NELL2: variants seen among roughly 807,000 people sequenced by gnomAD.
NELL2 encodes protein kinase C-binding protein NELL2.
Under a neutral mutation model 109.6 loss-of-function variants are expected in NELL2, and 41 were observed. That is an observed-to-expected ratio of 0.37 (90% confidence interval 0.29 to 0.49). The LOEUF (loss-of-function observed/expected upper bound fraction) is 0.49, where lower values mean the gene tolerates loss of function less well. Among genes scored for constraint, NELL2 ranks in the 20% least tolerant of loss-of-function variants. The pLI is 0.98. For missense variants in NELL2, 900 were observed against 1,008.3 expected (o/e 0.89, Z 1.45); for synonymous variants, 355 against 344.7 (o/e 1.03, Z -0.33).
At chr12:44,719,853 A>G (rs912868323) in intron 9 of NELL2, among the ~76,000 whole-genome samples, 2 of 152,136 alleles carry the variant, frequency 1.3e-5, no homozygotes, top group Non-Finnish European at 2.9e-5. Context: ...TGAGAAAAAA[A>G]CTCATTAACT....
chr12:44,555,284 G>C (rs964724788), intron 15 of NELL2, among the ~76,000 whole-genome samples: 8 of 152,142 alleles, frequency 5.3e-5, no homozygotes, highest in Admixed American at 4.6e-4. Flanking sequence ...TGAATACAGT[G>C]CTTACAGGTT....
intron 9 of NELL2, among the ~76,000 whole-genome samples, chr12:44,717,535 C>G (rs193041350): frequency 6.6e-6 from 1 of 151,886 alleles, no homozygotes; most frequent in Admixed American, 6.6e-5. Context: ...CTCAGGAGAC[C>G]GAACGAACTT....
At chr12:44,687,819 G>C (rs891961825) in intron 12 of NELL2, among the ~76,000 whole-genome samples, 2 of 152,172 alleles carry the variant, frequency 1.3e-5, no homozygotes, top group Admixed American at 6.5e-5. Context: ...ATTTTTTAAA[G>C]CTGTTAATCA....
intron 9 of NELL2, among the ~76,000 whole-genome samples, chr12:44,761,612 A>G (rs2136550499): frequency 6.6e-6 from 1 of 152,296 alleles, no homozygotes; most frequent in South Asian, 2.1e-4. Flanking sequence ...TGGAATTAAC[A>G]TAACTGTCCA....
At chr12:44,575,874 T>C (rs1173234278) in intron 15 of NELL2, among the ~76,000 whole-genome samples, 1 of 152,164 alleles carries the variant, frequency 6.6e-6, no homozygotes, top group East Asian at 1.9e-4. Context: ...AATCTGACCA[T>C]ACTTAAAATA....
chr12:44,891,047 T>C (rs1945527935), intron 1 of NELL2, among the ~76,000 whole-genome samples: 1 of 152,136 alleles, frequency 6.6e-6, no homozygotes, highest in Non-Finnish European at 1.5e-5. Context: ...TACATTTCAT[T>C]ATGACTACTA....
intron 13 of NELL2, among the ~76,000 whole-genome samples, chr12:44,620,878 C>T (rs986451150): frequency 3.9e-5 from 6 of 152,094 alleles, no homozygotes; most frequent in Middle Eastern, 3.2e-3. Context: ...ACTTTCAGAC[C>T]ATTATCAGAA....
Position 44,780,049 on chromosome 12 carries a change from A to G in NELL2, c.336-27T>C, listed in dbSNP as rs1432208742. 3 of 1,605,400 alleles carry G rather than the reference A, an allele frequency of 1.9e-6. No individual in the cohort carries two copies. In the South Asian group the frequency reaches 3.3e-5, roughly 18 times the overall value. ...TGCAGAGAGAAGAGCCACATGGGAC[A>G]CATTAAAAATAAAGTTCAAAAACGA... is the stretch of plus-strand genomic sequence containing the variant. On this transcript the variant is annotated intron_variant, in intron 3 of 19. Transcript: ENST00000429094.
intron 2 of NELL2, among the ~76,000 whole-genome samples, chr12:44,834,647 C>T (rs1168538047): frequency 6.6e-6 from 1 of 152,118 alleles, no homozygotes; most frequent in Non-Finnish European, 1.5e-5. Flanking sequence ...AGGTCAGGCC[C>T]CTGCCTGCCC....
At chr12:44,705,642 A>G (rs986471158) in intron 11 of NELL2, among the ~76,000 whole-genome samples, 1 of 149,616 alleles carries the variant, frequency 6.7e-6, no homozygotes, top group African/African-American at 2.4e-5. Flanking sequence ...CTAAAAAGTC[A>G]TCTTCACTAT....
At chr12:44,760,079 A>G (rs1941058389) in intron 9 of NELL2, among the ~76,000 whole-genome samples, 1 of 152,112 alleles carries the variant, frequency 6.6e-6, no homozygotes, top group African/African-American at 2.4e-5. Context: ...AGCACTTAGA[A>G]TCTAAATTTG....
chr12:44,732,996 CA>C (rs1939449718), intron 9 of NELL2, among the ~76,000 whole-genome samples: 1 of 151,840 alleles, frequency 6.6e-6, no homozygotes, highest in Non-Finnish European at 1.5e-5. Context: ...AACTGCAATG[CA>C]ACATCACCTC....
chr12:44,671,362 T>C (rs1006348299), intron 12 of NELL2, among the ~76,000 whole-genome samples: 7 of 151,854 alleles, frequency 4.6e-5, no homozygotes, highest in Non-Finnish European at 5.9e-5. Context: ...ATAAACAATA[T>C]AGCAATGCAC....
intron 2 of NELL2, among the ~76,000 whole-genome samples, chr12:44,839,917 T>C (rs968558647): frequency 1.3e-5 from 2 of 152,212 alleles, no homozygotes; most frequent in African/African-American, 4.8e-5. Flanking sequence ...GCCAGACACA[T>C]GCCTCAGGTC....
At position 44,776,124 on chromosome 12, in the gene NELL2, A is replaced by G. The variant is rs750518762; in HGVS notation, c.789T>C (p.Asn263=). ...AKLSRAEQRM[N]RLDQCYCERT... ...TTTCACAATAGCACTGATCCAATCT[A>G]TTCATTCGCTGTTCAGCTCGAGACA... is the stretch of plus-strand genomic sequence containing the variant. The change falls in exon 8 of 20, where the codon AAT becomes AAC. Residue 263 remains asparagine, a synonymous_variant. Transcript: ENST00000429094. 1.2e-6 allele frequency: 2 copies of G among 1,613,894 alleles called. No individual in the cohort carries two copies. Among genetic ancestry groups the G allele is most frequent in the South Asian group, 1.1e-5 (1 of 91,062 alleles).
intron 13 of NELL2, among the ~76,000 whole-genome samples, chr12:44,639,268 T>C (rs1946757811): frequency 1.3e-5 from 2 of 152,168 alleles, no homozygotes; most frequent in South Asian, 4.1e-4. Flanking sequence ...AGATAGCAGA[T>C]ATGATTGTAA....
intron 13 of NELL2, among the ~76,000 whole-genome samples, chr12:44,625,989 C>T (rs974800349): frequency 4.0e-5 from 6 of 151,820 alleles, no homozygotes; most frequent in African/African-American, 1.5e-4. Flanking sequence ...CAAAGTATAT[C>T]AGAAGAAGCT....
intron 13 of NELL2, among the ~76,000 whole-genome samples, chr12:44,617,428 C>T (rs751057837): frequency 9.4e-6 from 1 of 106,102 alleles, no homozygotes; most frequent in Non-Finnish European, 1.8e-5. Context: ...TGGCTCACGC[C>T]TGTAATCCCA....
intron 9 of NELL2, among the ~76,000 whole-genome samples, chr12:44,740,570 A>T (rs17575145): frequency 1.1e-4 from 16 of 152,106 alleles, no homozygotes; most frequent in Non-Finnish European, 1.9e-4. Context: ...TGGGTCCAGG[A>T]GCTTGTGAAA....
Sources: gnomAD v4.1 joint callset for allele counts (sites outside exome capture counted in the v4.1 genomes callset) on GRCh38, gnomAD v4.1.1 for gene constraint, MANE v1.5 for transcripts, NCBI Gene and HGNC (gene_info 2026-07-23, HGNC 2026-07-21) for gene names.